CNTNAP5: variants seen among roughly 807,000 people sequenced by gnomAD.
CNTNAP5 encodes the protein contactin associated protein family member 5.
Under a neutral mutation model 150.2 loss-of-function variants are expected in CNTNAP5, and 72 were observed. The ratio of observed to expected loss-of-function variants is 0.48; its 90% CI spans 0.40 to 0.58. The LOEUF (loss-of-function observed/expected upper bound fraction) is 0.58. Ranked by LOEUF, CNTNAP5 falls within the 20% of genes least tolerant of loss-of-function variation. The pLI is 0.00. For synonymous variants in CNTNAP5, 672 were observed against 619.8 expected, an observed-to-expected ratio of 1.08 and a Z score of -1.25; for missense variants, 1,636 against 1,626.2, an observed-to-expected ratio of 1.01 and a Z score of -0.10.
At chr2:124,703,182 C>T (rs966824679) in intron 13 of CNTNAP5, among the ~76,000 whole-genome samples, 1 of 111,902 alleles carries the variant, frequency 8.9e-6, no homozygotes, top group Non-Finnish European at 2.2e-5. Flanking sequence ...TTTCTTCCTC[C>T]TCTCCTTCTT....
intron 1 of CNTNAP5, among the ~76,000 whole-genome samples, chr2:124,076,126 G>T (rs910405586): frequency 6.6e-6 from 1 of 152,084 alleles, no homozygotes; most frequent in Non-Finnish European, 1.5e-5. Context: ...TTAAAATTCA[G>T]GTAGCCTCAT....
rs748393071 is a variant in CNTNAP5, at chr2:124,917,079, G to A, written c.*2791G>A. Among the ~76,000 whole-genome samples, 23 of 152,028 alleles carry A rather than the reference G, an allele frequency of 1.5e-4. No individual in the cohort carries two copies. Among genetic ancestry groups the A allele is most frequent in the African/African-American group, 2.4e-4 (10 of 41,514 alleles). ...TTAATCCTTCTGCAATTATCATCTCGAAGGAGACTTTGAAAGCATCTTAAT... is the reference window on the plus strand; with the variant it reads ...TTAATCCTTCTGCAATTATCATCTCAAAGGAGACTTTGAAAGCATCTTAAT... On this transcript the variant is annotated 3_prime_UTR_variant, in exon 24 of 24. Transcript: ENST00000682447.
chr2:124,397,158 T>G (rs1053922709), intron 3 of CNTNAP5, among the ~76,000 whole-genome samples: 3 of 152,146 alleles, frequency 2.0e-5, no homozygotes, highest in African/African-American at 4.8e-5. Context: ...GTGAGCAAGT[T>G]TTTTTTCTAT....
chr2:124,127,937 G>T (rs941573539), intron 1 of CNTNAP5, among the ~76,000 whole-genome samples: 1 of 152,132 alleles, frequency 6.6e-6, no homozygotes, highest in South Asian at 2.1e-4. Context: ...TTAAATGTCA[G>T]ACCTAAAACC....
In CNTNAP5 at chr2:124,025,599, T is replaced by C; in HGVS notation, c.-52T>C. 2 of 1,539,662 alleles carry C rather than the reference T, an allele frequency of 1.3e-6. No individual in the cohort carries two copies. Among genetic ancestry groups the C allele is most frequent in the Non-Finnish European group, 1.8e-6 (2 of 1,112,340 alleles). ...AGAGACAGCGAGAAGAAGCCGCGGC[T>C]GGCTACTGCGAATTTGGGATTCGAT... On this transcript the variant is annotated 5_prime_UTR_variant, in exon 1 of 24. Transcript: ENST00000682447.
chr2:124,797,812 A>G (rs1454906439), intron 18 of CNTNAP5, among the ~76,000 whole-genome samples: 2 of 152,226 alleles, frequency 1.3e-5, no homozygotes, highest in African/African-American at 2.4e-5. Context: ...TTGCAGATGT[A>G]TGTAGAGCTG....
intron 1 of CNTNAP5, among the ~76,000 whole-genome samples, chr2:124,206,642 G>T (rs1021809616): frequency 2.6e-4 from 39 of 152,170 alleles, no homozygotes; most frequent in African/African-American, 8.9e-4. Flanking sequence ...GGCTCTTGAT[G>T]ATCTACATGT....
intron 1 of CNTNAP5, among the ~76,000 whole-genome samples, chr2:124,029,749 T>TA (rs916356223): frequency 9.9e-5 from 15 of 152,078 alleles, no homozygotes; most frequent in African/African-American, 3.1e-4. Context: ...GCCCATTTGT[T>TA]AAAAAAACAA....
intron 3 of CNTNAP5, among the ~76,000 whole-genome samples, chr2:124,365,532 A>C (rs1017373875): frequency 3.9e-5 from 6 of 152,228 alleles, no homozygotes; most frequent in African/African-American, 1.4e-4. Context: ...TACAGAGAAC[A>C]TGGCATTGGA....
At chr2:124,342,891 T>G (rs908065762) in intron 3 of CNTNAP5, among the ~76,000 whole-genome samples, 1 of 152,224 alleles carries the variant, frequency 6.6e-6, no homozygotes, top group African/African-American at 2.4e-5. Context: ...ATTCTTGTTC[T>G]GCTTAATGTT....
chr2:124,235,385 A>G (rs1303881245), intron 2 of CNTNAP5, among the ~76,000 whole-genome samples: 1 of 151,404 alleles, frequency 6.6e-6, no homozygotes, highest in Non-Finnish European at 1.5e-5. Context: ...CCTCAACAAG[A>G]CCACTTTCAA....
At chr2:124,280,909 G>C (rs1433514785) in intron 3 of CNTNAP5, among the ~76,000 whole-genome samples, 1 of 152,112 alleles carries the variant, frequency 6.6e-6, no homozygotes, top group Non-Finnish European at 1.5e-5. Context: ...CTTTGGTTTA[G>C]ACCTTCCCAT....
At chr2:124,029,496 T>C (rs746738408) in intron 1 of CNTNAP5, among the ~76,000 whole-genome samples, 16 of 152,048 alleles carry the variant, frequency 1.1e-4, no homozygotes, top group Non-Finnish European at 2.4e-4. Flanking sequence ...ACTAAATTGA[T>C]ATTTCTGCAA....
At chr2:124,885,068 G>A (rs1007525791) in intron 21 of CNTNAP5, among the ~76,000 whole-genome samples, 4 of 151,962 alleles carry the variant, frequency 2.6e-5, no homozygotes, top group African/African-American at 9.7e-5. Flanking sequence ...TTATTGCACA[G>A]AATTGGTTCA....
chr2:124,143,635 C>T (rs1273198338), intron 1 of CNTNAP5, among the ~76,000 whole-genome samples: 2 of 93,636 alleles, frequency 2.1e-5, no homozygotes, highest in African/African-American at 4.1e-5. Flanking sequence ...ATTGATGGGA[C>T]GTATTTCAAA....
chr2:124,357,604 A>T (rs1690052523), intron 3 of CNTNAP5, among the ~76,000 whole-genome samples: 1 of 148,116 alleles, frequency 6.8e-6, no homozygotes. Flanking sequence ...TTTGTCAAAG[A>T]TCAGATAGTT....
rs1338029253 is a variant in CNTNAP5, at chr2:124,025,473, C to T, written c.-178C>T. 4.9e-6 allele frequency: 3 copies of T among 614,102 alleles called. No individual in the cohort carries two copies. Among genetic ancestry groups the T allele is most frequent in the Middle Eastern group, 4.4e-4 (1 of 2,282 alleles). The allele number at this position is 614,102 out of a possible 1,614,324, so 38.0% of individuals were successfully genotyped here. A position where few individuals can be genotyped will look rare whatever the true frequency, so the allele number is the denominator to read the frequency against. On this transcript the variant is annotated 5_prime_UTR_variant, in exon 1 of 24. Transcript: ENST00000682447. ...AGCCCCAGCTGCAGCTCCGAAGAATCCCCCGCCACGGTTTCGGTGGAGCGT... is the reference window on the plus strand; with the variant it reads ...AGCCCCAGCTGCAGCTCCGAAGAATTCCCCGCCACGGTTTCGGTGGAGCGT...
At chr2:124,635,541 A>C (rs1052946467) in intron 12 of CNTNAP5, among the ~76,000 whole-genome samples, 1 of 152,208 alleles carries the variant, frequency 6.6e-6, no homozygotes, top group Non-Finnish European at 1.5e-5. Context: ...AGGTCCATCA[A>C]GTCCTCCTGA....
rs979434743 is a variant in CNTNAP5 at position 124,918,114 on chromosome 2, C to T, written c.*3826C>T. 9.2e-5 allele frequency among the ~76,000 whole-genome samples: 14 copies of T among 151,998 alleles called. No individual in the cohort carries two copies. The highest frequency in any genetic ancestry group is 1.9e-4 in the East Asian group (1 of 5,152). On this transcript the variant is annotated 3_prime_UTR_variant, in exon 24 of 24. Coordinates refer to ENST00000682447, the MANE Select transcript of CNTNAP5 (RefSeq NM_001367498.1). ...GGCTGAATTCTCTACATTCTTGTTTCGGGTCAGGTTGGGGGATTCCAAAAG... is the reference window on the plus strand; with the variant it reads ...GGCTGAATTCTCTACATTCTTGTTTTGGGTCAGGTTGGGGGATTCCAAAAG...
Sources: gnomAD v4.1 joint callset for allele counts (sites outside exome capture counted in the v4.1 genomes callset) on GRCh38, gnomAD v4.1.1 for gene constraint, MANE v1.5 for transcripts, NCBI Gene and HGNC (gene_info 2026-07-23, HGNC 2026-07-21) for gene names.